RAPH1: variants seen among roughly 807,000 people sequenced by gnomAD.
RAPH1 encodes Ras association (RalGDS/AF-6) and pleckstrin homology domains 1.
RAPH1 carries 18 observed loss-of-function variants against 88.1 expected under a neutral mutation model. The ratio of observed to expected loss-of-function variants is 0.20; its 90% confidence interval spans 0.14 to 0.30. The LOEUF (loss-of-function observed/expected upper bound fraction) is 0.30, where lower values mean the gene tolerates loss of function less well. Ranked by LOEUF, RAPH1 falls within the 10% of genes least tolerant of loss-of-function variation. The probability of loss-of-function intolerance (pLI) is 1.00; values close to 1 mark genes in which losing one functional copy is unlikely to be tolerated. For synonymous variants in RAPH1, 587 were observed against 559.0 expected (o/e 1.05, Z -0.71); for missense variants, 1,448 against 1,543.2 (o/e 0.94, Z 1.03).
chr2:203,489,727 T>A lies in RAPH1; in HGVS notation c.589A>T (p.Ser197Cys), dbSNP rs1688159566. The A allele has an allele frequency of 1.2e-6, 2 of 1,614,178 alleles. No individual in the cohort carries two copies. Among genetic ancestry groups the A allele is most frequent in the Non-Finnish European group, 1.7e-6 (2 of 1,180,032 alleles). ...HRRTASAGTV[S>C]DAEVHSISNS... is the part of the protein sequence containing the mutation. ...CTAATAGAGTGTACTTCAGCATCAC[T>A]CACTGTGCCTGCTGACGCGGTTCTT... is the stretch of plus-strand genomic sequence containing the variant. Residue 197 changes from serine (S) to cysteine (C), a missense_variant, in exon 4 of 14, where the codon AGT (serine) becomes TGT (cysteine). Coordinates refer to ENST00000319170, the MANE Select transcript of RAPH1 (RefSeq NM_213589.3).
intron 4 of RAPH1, among the ~76,000 whole-genome samples, chr2:203,479,603 C>T (rs1292505829): frequency 7.3e-6 from 1 of 136,932 alleles, no homozygotes; most frequent in Admixed American, 7.4e-5. Flanking sequence ...GCAAGACTGA[C>T]TCAAAAAAAA....
At chr2:203,452,400 G>A (rs1353169924) in intron 10 of RAPH1, among the ~76,000 whole-genome samples, 1 of 152,190 alleles carries the variant, frequency 6.6e-6, no homozygotes, top group Non-Finnish European at 1.5e-5. Flanking sequence ...TCTCCTCAGG[G>A]ATGAGAAGTT....
At chr2:203,453,585 T>C (rs1380505042) in intron 10 of RAPH1, among the ~76,000 whole-genome samples, 1 of 129,942 alleles carries the variant, frequency 7.7e-6, no homozygotes, top group African/African-American at 2.8e-5. Context: ...AGGTTGCTAC[T>C]ACAATGTACT....
chr2:203,520,783 A>G (rs1689832367), intron 1 of RAPH1, among the ~76,000 whole-genome samples: 1 of 152,220 alleles, frequency 6.6e-6, no homozygotes, highest in South Asian at 2.1e-4. Flanking sequence ...GTGGAACAAT[A>G]GGAACATTCT....
intron 13 of RAPH1, chr2:203,441,998 T>C: frequency 1.9e-6 from 3 of 1,544,844 alleles, no homozygotes; most frequent in South Asian, 1.3e-5. Context: ...CACACACTCG[T>C]GTTGGTGTGA....
At chr2:203,483,359 T>C (rs1687814266) in intron 4 of RAPH1, among the ~76,000 whole-genome samples, 1 of 152,140 alleles carries the variant, frequency 6.6e-6, no homozygotes, top group Non-Finnish European at 1.5e-5. Context: ...CTAGACATAT[T>C]CTGAAGATAA....
intron 1 of RAPH1, among the ~76,000 whole-genome samples, chr2:203,510,142 A>G (rs1689271213): frequency 6.6e-6 from 1 of 151,924 alleles, no homozygotes; most frequent in Non-Finnish European, 1.5e-5. Context: ...CATAAATGTA[A>G]AATTCCTAGG....
At chr2:203,488,229 T>C (rs1688060619) in intron 4 of RAPH1, among the ~76,000 whole-genome samples, 1 of 152,130 alleles carries the variant, frequency 6.6e-6, no homozygotes, top group African/African-American at 2.4e-5. Context: ...CTGAAAAAAA[T>C]TCCATCTTTT....
chr2:203,507,874 A>G (rs566708707), intron 1 of RAPH1, among the ~76,000 whole-genome samples: 6 of 152,282 alleles, frequency 3.9e-5, no homozygotes, highest in African/African-American at 9.6e-5. Context: ...CCTGATTTTG[A>G]TAACAGTATT....
chr2:203,449,245 G>C (rs985855280), intron 10 of RAPH1, among the ~76,000 whole-genome samples: 2 of 152,202 alleles, frequency 1.3e-5, no homozygotes, highest in Non-Finnish European at 2.9e-5. Flanking sequence ...CTCCAAATCA[G>C]AGAGGGACTT....
At chr2:203,446,894 T>C (rs1194671689) in intron 12 of RAPH1, 1 of 146,730 alleles carries the variant, frequency 6.8e-6, no homozygotes, top group Admixed American at 6.8e-5. Context: ...TGTGTACTAC[T>C]AAGTCTGGCT....
At chr2:203,515,426 C>T (rs1273761902) in intron 1 of RAPH1, among the ~76,000 whole-genome samples, 6 of 152,160 alleles carry the variant, frequency 3.9e-5, no homozygotes, top group African/African-American at 1.4e-4. Context: ...CCCTGTTTTT[C>T]ATCATAGCTA....
At chr2:203,451,697 T>A (rs1225181042) in intron 10 of RAPH1, among the ~76,000 whole-genome samples, 1 of 152,222 alleles carries the variant, frequency 6.6e-6, no homozygotes. Context: ...ATTTCATTTT[T>A]AAAATGACCC....
chr2:203,459,157 T>G lies in RAPH1; in HGVS notation c.1092+750A>C, dbSNP rs559965925. ...GTGCTGGGATTACAGGAGTGAGCCA[T>G]TGCGCCTGGCCTGTAATTATTTTTC... On this transcript the variant is annotated intron_variant, in intron 7 of 13. Transcript: ENST00000319170. 1.5e-4 allele frequency among the ~76,000 whole-genome samples: 23 copies of G among 152,300 alleles called. No homozygotes were observed. In the East Asian group the frequency reaches 4.4e-3, roughly 29 times the overall value.
Position 203,439,991 on chromosome 2 carries a change from G to A in RAPH1, c.3199C>T (p.Pro1067Ser). 6.2e-7 allele frequency: 1 copy of A among 1,613,610 alleles called. No homozygotes were observed. The highest frequency in any genetic ancestry group is 2.2e-5 in the East Asian group (1 of 44,840). Residue 1067 changes from proline to serine, a missense_variant, in exon 14 of 14, where the codon CCT becomes TCT. Pro to Ser is a moderately conservative substitution (Grantham distance 74). Around this residue, in one of 2 missense-constraint regions of RAPH1, gnomAD observed 935 missense variants for 890.1 expected, o/e 1.05. Coordinates refer to ENST00000319170, the MANE Select transcript of RAPH1 (RefSeq NM_213589.3). ...GKDSVVEFPS[P>S]PSDSDFPPPP... is the part of the protein sequence containing the mutation. ...GGTGGAAAATCAGAATCGGATGGAG[G>A]AGAAGGAAATTCCACCACGGAGTCC... is the stretch of plus-strand genomic sequence containing the variant.
chr2:203,455,615 T>A (rs1198991528), intron 8 of RAPH1, 35 bp from the exon 9 acceptor site: 1 of 1,597,316 alleles, frequency 6.3e-7, no homozygotes, highest in South Asian at 1.1e-5. Context: ...AGACTTATGA[T>A]CGTTGGATTC....
In RAPH1 at chr2:203,440,359, G is replaced by A. The variant is rs781038449; in HGVS notation, c.2831C>T (p.Pro944Leu). 4.4e-6 allele frequency: 7 copies of A among 1,604,960 alleles called. No homozygotes were observed. The highest frequency in any genetic ancestry group is 5.1e-6 in the Non-Finnish European group (6 of 1,174,562). ...TTTGTCAGGGGTAGGAGAAGCTGTGGGTGGAGGTGGTGGTGGTGGGGCTGG... is the reference window on the plus strand; with the variant it reads ...TTTGTCAGGGGTAGGAGAAGCTGTGAGTGGAGGTGGTGGTGGTGGGGCTGG... Reference protein sequence around the residue: ...PVPAPPPPPPPTASPTPDKSG... With the variant: ...PVPAPPPPPPLTASPTPDKSG... The change falls in exon 14 of 14, where the codon CCC becomes CTC. Residue 944 changes from proline (P) to leucine (L), a missense_variant. Physicochemically the swap from Pro to Leu is moderately conservative, Grantham distance 98. This residue lies in a region of RAPH1 where 935 missense variants were observed against 890.1 expected (regional missense o/e 1.05). Transcript: ENST00000319170.
At chr2:203,520,420 G>A (rs1005382855) in intron 1 of RAPH1, among the ~76,000 whole-genome samples, 1 of 151,910 alleles carries the variant, frequency 6.6e-6, no homozygotes, top group Admixed American at 6.6e-5. Context: ...CTGAGGTCAG[G>A]AGATCGAAAC....
At chr2:203,457,682 A>T in intron 7 of RAPH1, 87 bp from the exon 8 acceptor site, 1 of 952,250 alleles carries the variant, frequency 1.1e-6, no homozygotes, top group Non-Finnish European at 1.7e-6. Flanking sequence ...CCCTTGGCAC[A>T]GGTGTGTGTA....
Sources: allele counts gnomAD v4.1 joint callset (sites outside exome capture counted in the v4.1 genomes callset), GRCh38; gene constraint gnomAD v4.1.1; regional missense constraint gnomAD v4.1.1; transcripts MANE v1.5; gene names NCBI Gene and HGNC (gene_info 2026-07-23, HGNC 2026-07-21).